The following DGCR6L variants were observed in gnomAD, a reference collection of about 807,000 sequenced individuals.
DGCR6L encodes the protein protein DGCR6L.
Under a neutral mutation model 31.1 loss-of-function variants are expected in DGCR6L, and 24 were observed. The ratio of observed to expected loss-of-function variants is 0.77; its 90% CI spans 0.56 to 1.08. The LOEUF is 1.08. Among genes scored for constraint, DGCR6L ranks in the 50% least tolerant of loss-of-function variants. The probability of loss-of-function intolerance (pLI) is 0.00; values close to 1 mark genes in which losing one functional copy is unlikely to be tolerated. For missense variants in DGCR6L, 218 were observed against 287.1 expected (o/e 0.76, Z 1.74); for synonymous variants, 104 against 126.1 (o/e 0.82, Z 1.17).
intron 2 of DGCR6L, among the ~76,000 whole-genome samples, chr22:20,319,250 T>C (rs1307715039): frequency 1.3e-5 from 2 of 152,156 alleles, no homozygotes; most frequent in Non-Finnish European, 2.9e-5. Flanking sequence ...GAACTGACCC[T>C]GAAAGACGCT....
chr22:20,315,360 G>A lies in DGCR6L; in HGVS notation c.489C>T (p.Gly163=). The A allele has an allele frequency of 6.2e-7, 1 of 1,613,712 alleles. No homozygotes were observed. Among genetic ancestry groups the A allele is most frequent in the Non-Finnish European group, 8.5e-7 (1 of 1,179,954 alleles). The change falls in exon 4 of 5, where the codon GGC becomes GGT. Residue 163 remains glycine, a synonymous_variant. Transcript: ENST00000248879. ...QSTLEKAGVA[G]FYVTTNPQEL... ...CCTGTGGGTTGGTGGTCACGTAGAA[G>A]CCAGCCACCCCCGCCTTCTCCAGTG...
At position 20,319,738 on chromosome 22, in the gene DGCR6L, C is replaced by G; in HGVS notation, c.172G>C (p.Gly58Arg). ...LSDLALALLD[G>R]TVFEIVQGLL... is the part of the protein sequence containing the mutation. ...CCCTGCACGATTTCGAACACGGTGC[C>G]GTCGAGAAGCGCCAGGGCCAGGTCG... The change falls in exon 2 of 5, where the codon GGC becomes CGC. Residue 58 changes from glycine to arginine, a missense_variant. Coordinates refer to ENST00000248879, the MANE Select transcript of DGCR6L (RefSeq NM_033257.4). 1 of 1,612,754 alleles carries G rather than the reference C, an allele frequency of 6.2e-7. No individual in the cohort carries two copies. The highest frequency in any genetic ancestry group is 1.7e-5 in the Admixed American group (1 of 59,856).
rs572136362 is a variant in DGCR6L, at chr22:20,319,945, G to A, written c.44C>T (p.Ala15Val). 3 of 1,607,972 alleles carry A rather than the reference G, an allele frequency of 1.9e-6. No homozygotes were observed. The highest frequency in any genetic ancestry group is 4.5e-5 in the East Asian group (2 of 44,602). ...AAALEEVADG[A>V]RQQERHYQLL... Reference sequence around the variant, plus strand: ...CTGGTAGTGTCGCTCCTGCTGCCGGGCACCGTCCGCCACCTCCTCCAAGGC... The same window carrying A: ...CTGGTAGTGTCGCTCCTGCTGCCGGACACCGTCCGCCACCTCCTCCAAGGC... The change falls in exon 1 of 5, where the codon GCC becomes GTC. Residue 15 changes from alanine to valine, a missense_variant. By Grantham distance (64) the Ala-to-Val change is moderately conservative. Transcript: ENST00000248879.
Position 20,315,494 on chromosome 22 carries a change from C to T in DGCR6L, c.373-18G>A, listed in dbSNP as rs150551190. On this transcript the variant is annotated intron_variant, in intron 3 of 4. Transcript: ENST00000248879. ...TCCACGGCCTGCCATGGGGCCAGGG[C>T]GCGGAGGGGGAGAGGTGAGGGCAGC... 3.8e-5 allele frequency: 62 copies of T among 1,611,018 alleles called. No individual in the cohort carries two copies. The highest frequency in any genetic ancestry group is 1.7e-4 in the Middle Eastern group (1 of 6,044).
chr22:20,319,489 T>C, intron 2 of DGCR6L, 150 bp downstream of exon 2: 1 of 1,373,228 alleles, frequency 7.3e-7, no homozygotes, highest in Non-Finnish European at 9.7e-7. Flanking sequence ...AAAAAGGCGC[T>C]GTCTCAGTCT....
Position 20,314,496 on chromosome 22 carries a change from C to T in DGCR6L, c.*179G>A. 9.6e-7 allele frequency: 1 copy of T among 1,046,592 alleles called. No individual in the cohort carries two copies. Among genetic ancestry groups the T allele is most frequent in the East Asian group, 2.7e-5 (1 of 36,918 alleles). The allele number at this position is 1,046,592 out of a possible 1,614,324, so 64.8% of individuals were successfully genotyped here. On this transcript the variant is annotated 3_prime_UTR_variant, in exon 5 of 5. Coordinates refer to ENST00000248879, the MANE Select transcript of DGCR6L (RefSeq NM_033257.4). ...CCTGAAGCAGACAGCAGCAGGCTGG[C>T]CCAGCCTCCCCTTTATGAGACTATC...
Position 20,319,990 on chromosome 22 carries a change from G to A in DGCR6L, c.-2C>T, listed in dbSNP as rs754861529. On this transcript the variant is annotated 5_prime_UTR_variant, in exon 1 of 5. Transcript: ENST00000248879. ...CAAGGCGGCCGCGTAGCGCTCCATG[G>A]CGCGGACGCCCGCTAGCCGCCGGCG... 7.6e-6 allele frequency: 12 copies of A among 1,569,544 alleles called. No individual in the cohort carries two copies. The highest frequency in any genetic ancestry group is 3.5e-5 in the South Asian group (3 of 86,480).
chr22:20,319,679 G>A lies in DGCR6L; in HGVS notation c.231C>T (p.Ser77=), dbSNP rs1363749329. The A allele has an allele frequency of 6.2e-7, 1 of 1,611,984 alleles. No homozygotes were observed. Among genetic ancestry groups the A allele is most frequent in the African/African-American group, 1.3e-5 (1 of 74,886 alleles). The part of the protein sequence containing the change: ...LLEIQHLTEK[S]LYNQRLRLQN... Reference sequence around the variant, plus strand: ...GTAGGCGCAGGCGCTGGTTGTACAGGCTCTTTTCGGTGAGGTGCTGGATCT... The same window carrying A: ...GTAGGCGCAGGCGCTGGTTGTACAGACTCTTTTCGGTGAGGTGCTGGATCT... The change falls in exon 2 of 5, where the codon AGC becomes AGT. Residue 77 remains serine (S), a synonymous_variant. Coordinates refer to ENST00000248879, the MANE Select transcript of DGCR6L (RefSeq NM_033257.4).
rs2051555475 is a variant in DGCR6L at position 20,314,407 on chromosome 22, T to A, written c.*268A>T. The A allele has an allele frequency of 8.1e-6, 4 of 495,228 alleles. No individual in the cohort carries two copies. The highest frequency in any genetic ancestry group is 1.4e-5 in the Non-Finnish European group (4 of 292,398). 30.7% of individuals were successfully genotyped at this position (495,228 alleles called of 1,614,324 possible). ...GAACAAGCGCTCGGGTGGGCCCCAG[T>A]GCAGGTTGGGATGTGCCCGGTGGAG... On this transcript the variant is annotated 3_prime_UTR_variant, in exon 5 of 5. Transcript: ENST00000248879.
Position 20,319,698 on chromosome 22 carries a change from T to C in DGCR6L, c.212A>G (p.Gln71Arg). 6.2e-7 allele frequency: 1 copy of C among 1,612,566 alleles called. No individual in the cohort carries two copies. Among genetic ancestry groups the C allele is most frequent in the East Asian group, 2.2e-5 (1 of 44,860 alleles). Reference sequence around the variant, plus strand: ...GTACAGGCTCTTTTCGGTGAGGTGCTGGATCTCCAGTAGCCCCTGCACGAT... The same window carrying C: ...GTACAGGCTCTTTTCGGTGAGGTGCCGGATCTCCAGTAGCCCCTGCACGAT... ...FEIVQGLLEI[Q>R]HLTEKSLYNQ... is the part of the protein sequence containing the mutation. Residue 71 changes from glutamine to arginine, a missense_variant, in exon 2 of 5, where the codon CAG (glutamine) becomes CGG (arginine). Gln to Arg is a conservative substitution (Grantham distance 43). Around this residue, in one of 4 missense-constraint regions of DGCR6L, gnomAD observed 5 missense variants for 20.6 expected, o/e 0.24. Transcript: ENST00000248879.
chr22:20,319,544 C>A (rs1602681861), intron 2 of DGCR6L, 95 bp downstream of exon 2: 1 of 1,509,140 alleles, frequency 6.6e-7, no homozygotes, highest in African/African-American at 1.4e-5. Context: ...CTTCCGAACA[C>A]TTCCAAGGAA....
intron 2 of DGCR6L, among the ~76,000 whole-genome samples, chr22:20,319,085 G>A (rs1409881278): frequency 6.6e-6 from 1 of 152,230 alleles, no homozygotes; most frequent in Non-Finnish European, 1.5e-5. Flanking sequence ...GGTGCAGGGG[G>A]ACCTGCCCTA....
At chr22:20,315,528 CA>C (rs2146016790) in intron 3 of DGCR6L, 52 bp from the exon 4 acceptor site, 4 of 1,591,648 alleles carry the variant, frequency 2.5e-6, no homozygotes, top group South Asian at 1.1e-5. Flanking sequence ...GCTCTGCCAT[CA>C]GGGGGCGGGG....
Position 20,319,620 on chromosome 22 carries a change from T to G in DGCR6L, c.271+19A>C. 6.2e-7 allele frequency: 1 copy of G among 1,609,710 alleles called. No homozygotes were observed. The highest frequency in any genetic ancestry group is 1.7e-5 in the Admixed American group (1 of 59,692). The stretch of plus-strand genomic sequence containing the variant: ...CCGACCCGGAGGAGGCGGCACCTCA[T>G]CCCGCTGCCCCCGCGCACCTCGGTG... On this transcript the variant is annotated intron_variant, in intron 2 of 4. Transcript: ENST00000248879.
rs1270572851 is a variant in DGCR6L at position 20,314,473 on chromosome 22, T to C, written c.*202A>G. ...CCCAGCCTCACTCTCTGCCTGGTCC[T>C]GAAGCAGACAGCAGCAGGCTGGCCC... On this transcript the variant is annotated 3_prime_UTR_variant, in exon 5 of 5. Coordinates refer to ENST00000248879, the MANE Select transcript of DGCR6L (RefSeq NM_033257.4). 28 of 937,870 alleles carry C rather than the reference T, an allele frequency of 3.0e-5. No individual in the cohort carries two copies. Among genetic ancestry groups the C allele is most frequent in the Admixed American group, 6.2e-5 (2 of 32,186 alleles). The allele number at this position is 937,870 out of a possible 1,614,324, so 58.1% of individuals were successfully genotyped here.
chr22:20,319,739 G>A lies in DGCR6L; in HGVS notation c.171C>T (p.Asp57=), dbSNP rs144126383. 4.4e-5 allele frequency: 71 copies of A among 1,612,714 alleles called. No homozygotes were observed. In the African/African-American group the frequency reaches 7.7e-4, roughly 18 times the overall value. ...CCTGCACGATTTCGAACACGGTGCC[G>A]TCGAGAAGCGCCAGGGCCAGGTCGC... ...TLSDLALALL[D]GTVFEIVQGL... Residue 57 remains aspartate, a synonymous_variant, in exon 2 of 5, where the codon GAC becomes GAT. Transcript: ENST00000248879.
At chr22:20,317,195 A>G (rs2051577259) in intron 2 of DGCR6L, among the ~76,000 whole-genome samples, 1 of 152,302 alleles carries the variant, frequency 6.6e-6, no homozygotes, top group South Asian at 2.1e-4. Flanking sequence ...CTGTGCCTAC[A>G]GCCTTCCCCG....
chr22:20,320,014 C>T lies in DGCR6L; in HGVS notation c.-26G>A, dbSNP rs545979658. 25 of 1,520,414 alleles carry T rather than the reference C, an allele frequency of 1.6e-5. 1 individual carries two copies. The highest frequency in any genetic ancestry group is 1.0e-4 in the South Asian group (8 of 80,222). 94.2% of individuals were successfully genotyped at this position (1,520,414 alleles called of 1,614,324 possible). ...GGCGCGGACGCCCGCTAGCCGCCGG[C>T]GGCGGCGACGAGCTCCCCCAGCTTC... On this transcript the variant is annotated 5_prime_UTR_variant, in exon 1 of 5. Coordinates refer to ENST00000248879, the MANE Select transcript of DGCR6L (RefSeq NM_033257.4).
chr22:20,317,894 A>T (rs2051582021), intron 2 of DGCR6L, among the ~76,000 whole-genome samples: 1 of 152,248 alleles, frequency 6.6e-6, no homozygotes, highest in Admixed American at 6.5e-5. Context: ...CATTTAGGGG[A>T]AGAAGTAATG....
Sources: gnomAD v4.1 joint callset for allele counts (sites outside exome capture counted in the v4.1 genomes callset) on GRCh38, gnomAD v4.1.1 for gene constraint, gnomAD v4.1.1 regional missense constraint, MANE v1.5 for transcripts, NCBI Gene and HGNC (gene_info 2026-07-23, HGNC 2026-07-21) for gene names.